Variants in HPN observed in about 807,000 individuals in gnomAD.
The protein encoded by HPN is serine protease hepsin.
A neutral mutation model predicts 55.9 loss-of-function variants in HPN; 13 were observed. That is an observed-to-expected ratio of 0.23 (90% CI 0.15 to 0.37). The LOEUF (loss-of-function observed/expected upper bound fraction) is 0.37. Among genes scored for constraint, HPN ranks in the 10% least tolerant of loss-of-function variants. HPN has a pLI of 1.00. For synonymous variants in HPN, 225 were observed against 240.3 expected (o/e 0.94, Z 0.59); for missense variants, 451 against 575.8 (o/e 0.78, Z 2.22).
chr19:35,051,993 C>T (rs1013829795), intron 4 of HPN, among the ~76,000 whole-genome samples: 1 of 152,182 alleles, frequency 6.6e-6, no homozygotes, highest in African/African-American at 2.4e-5. Flanking sequence ...TCTCCACCCC[C>T]ACCTCACACT....
At chr19:35,045,338 G>A (rs965945530) in intron 2 of HPN, among the ~76,000 whole-genome samples, 2 of 152,118 alleles carry the variant, frequency 1.3e-5, no homozygotes, top group African/African-American at 4.8e-5. Flanking sequence ...AATCAGGTGC[G>A]CCTGGTGTCC....
At chr19:35,053,697 A>T (rs1403329513) in intron 4 of HPN, among the ~76,000 whole-genome samples, 1 of 152,208 alleles carries the variant, frequency 6.6e-6, no homozygotes, top group Non-Finnish European at 1.5e-5. Context: ...GTGAGCTGAG[A>T]TCGTGCCACT....
chr19:35,059,482 T>TAA, intron 4 of HPN, 191 bp from the exon 5 acceptor site: 35 of 593,500 alleles, frequency 5.9e-5, no homozygotes, highest in Non-Finnish European at 7.7e-5. Flanking sequence ...ACCCTGTCTT[T>TAA]AAAAAAAAAA....
intron 2 of HPN, among the ~76,000 whole-genome samples, chr19:35,049,046 G>A (rs1022962670): frequency 5.9e-5 from 9 of 152,232 alleles, no homozygotes; most frequent in South Asian, 2.1e-4. Flanking sequence ...GGTGGAGACC[G>A]TGGCAGGTGG....
intron 1 of HPN, 102 bp downstream of exon 1, chr19:35,041,974 TG>T: frequency 8.3e-7 from 1 of 1,200,876 alleles, no homozygotes; most frequent in Non-Finnish European, 1.1e-6. Context: ...GAGGGGTTCC[TG>T]GGGACCTGAA....
At chr19:35,042,124 G>A in intron 1 of HPN, 1 of 1,120,680 alleles carries the variant, frequency 8.9e-7, no homozygotes, top group Non-Finnish European at 1.1e-6. Flanking sequence ...TCATACTAGG[G>A]AGTCCTGGCC....
Position 35,066,235 on chromosome 19 carries a change from C to G in HPN, c.1216-14C>G, listed in dbSNP as rs768059256. ...CCTCTCAGACCTCGGGAGCCCCCAGCTGTCTTTCCCCAGACTCACTCCGAA... is the reference window on the plus strand; with the variant it reads ...CCTCTCAGACCTCGGGAGCCCCCAGGTGTCTTTCCCCAGACTCACTCCGAA... On this transcript the variant is annotated splice_polypyrimidine_tract_variant and intron_variant, in intron 12 of 12. Transcript: ENST00000672452. 5.0e-6 allele frequency: 8 copies of G among 1,614,044 alleles called. No homozygotes were observed. Among genetic ancestry groups the G allele is most frequent in the Non-Finnish European group, 6.8e-6 (8 of 1,179,954 alleles).
At chr19:35,046,386 A>T (rs1335268463) in intron 2 of HPN, among the ~76,000 whole-genome samples, 1 of 151,934 alleles carries the variant, frequency 6.6e-6, no homozygotes, top group Non-Finnish European at 1.5e-5. Flanking sequence ...CTGGGACTAT[A>T]GGCGCCCGCC....
At chr19:35,065,768 A>T in intron 11 of HPN, 87 bp downstream of exon 11, 1 of 1,597,826 alleles carries the variant, frequency 6.3e-7, no homozygotes, top group Non-Finnish European at 8.5e-7. Flanking sequence ...CTCCCCATCT[A>T]AAAGCCTGAG....
intron 4 of HPN, among the ~76,000 whole-genome samples, chr19:35,051,255 C>T (rs2862234): frequency 0.081 from 12,377 of 152,028 alleles, 538 homozygotes; most frequent in African/African-American, 0.12. Context: ...ACTACAGGCA[C>T]GTGCCACCAC....
intron 10 of HPN, 66 bp downstream of exon 10, chr19:35,065,411 A>G: frequency 1.3e-6 from 2 of 1,565,746 alleles, no homozygotes; most frequent in Non-Finnish European, 1.8e-6. Flanking sequence ...GGGGATGGGC[A>G]GTCTGGCTGG....
At chr19:35,049,218 C>A in intron 2 of HPN, 72 bp from the exon 3 acceptor site, 1 of 1,135,138 alleles carries the variant, frequency 8.8e-7, no homozygotes, top group Non-Finnish European at 1.2e-6. Context: ...CAGGGCAGAG[C>A]TGGCCTCGGG....
chr19:35,065,789 C>T (rs1441234981), intron 11 of HPN, 79 bp from the exon 12 acceptor site: 6 of 1,580,166 alleles, frequency 3.8e-6, no homozygotes, highest in Non-Finnish European at 5.2e-6. Context: ...GGCTCTGGGG[C>T]CACAGCCCAT....
rs200517141 is a variant in HPN, at chr19:35,049,336, C to T, written c.63C>T (p.Leu21=). 16 of 1,598,354 alleles carry T rather than the reference C, an allele frequency of 1.0e-5. No homozygotes were observed. The East Asian group carries it at 3.6e-4, about 36-fold the overall frequency. Residue 21 remains leucine, a synonymous_variant, in exon 3 of 13, where the codon CTC becomes CTT. Transcript: ENST00000672452. ...GCTCCAGACCCAAGGTGGCAGCTCTCACTGCGGGGACCCTGCTACTTCTGA... is the reference window on the plus strand; with the variant it reads ...GCTCCAGACCCAAGGTGGCAGCTCTTACTGCGGGGACCCTGCTACTTCTGA... ...PCCSRPKVAA[L]TAGTLLLLTA... is the part of the protein sequence containing the mutation.
chr19:35,051,325 T>C (rs2064403188), intron 4 of HPN, among the ~76,000 whole-genome samples: 1 of 152,030 alleles, frequency 6.6e-6, no homozygotes, highest in Non-Finnish European at 1.5e-5. Context: ...GCCAGGATGG[T>C]CTCAAACTCC....
intron 9 of HPN, among the ~76,000 whole-genome samples, chr19:35,061,243 A>G (rs1191625758): frequency 6.6e-6 from 1 of 152,212 alleles, no homozygotes; most frequent in Non-Finnish European, 1.5e-5. Flanking sequence ...CATGCCTGTA[A>G]TCCCAGCACT....
chr19:35,065,544 C>A lies in HPN; in HGVS notation c.913C>A (p.Gln305Lys). Residue 305 changes from glutamine (Q) to lysine (K), a missense_variant, in exon 11 of 13, where the codon CAG becomes AAG. Physicochemically the swap from Gln to Lys is moderately conservative, Grantham distance 53. Transcript: ENST00000672452. ...CCTTGCCTGCACACCCCCAGGCCAA[C>A]AGGCCGGGGTACTCCAGGAGGCTCG... The part of the protein sequence containing the change: ...GWGNTQYYGQ[Q>K]AGVLQEARVP... 6.2e-7 allele frequency: 1 copy of A among 1,613,958 alleles called. No individual in the cohort carries two copies. The highest frequency in any genetic ancestry group is 8.5e-7 in the Non-Finnish European group (1 of 1,179,964).
At chr19:35,044,271 G>C (rs2064320792) in intron 2 of HPN, among the ~76,000 whole-genome samples, 1 of 152,192 alleles carries the variant, frequency 6.6e-6, no homozygotes, top group Admixed American at 6.5e-5. Flanking sequence ...TCTTGGTGCT[G>C]CCTGGAAACT....
rs7249347 is a variant in HPN, at chr19:35,065,761, C to T, written c.1050+80C>T. On this transcript the variant is annotated intron_variant, in intron 11 of 12. Transcript: ENST00000672452. Reference sequence around the variant, plus strand: ...TGCAGGGGAGTGGGTGGTCAGGCTCCCCATCTAAAAGCCTGAGGGCTCTGG... The same window carrying T: ...TGCAGGGGAGTGGGTGGTCAGGCTCTCCATCTAAAAGCCTGAGGGCTCTGG... 7.7e-3 allele frequency: 12,286 copies of T among 1,598,364 alleles called. 770 individuals are homozygous for T. The African/African-American group carries it at 0.14, about 18-fold the overall frequency.
Sources: gnomAD v4.1 joint callset for allele counts (sites outside exome capture counted in the v4.1 genomes callset) on GRCh38, gnomAD v4.1.1 for gene constraint, MANE v1.5 for transcripts, NCBI Gene and HGNC (gene_info 2026-07-23, HGNC 2026-07-21) for gene names.